NEK9: variants seen among roughly 807,000 people sequenced by gnomAD.
NEK9 encodes serine/threonine-protein kinase Nek9.
Under a neutral mutation model 123.4 loss-of-function variants are expected in NEK9, and 75 were observed. That is an observed-to-expected ratio of 0.61 (90% CI 0.50 to 0.74). The LOEUF is 0.74. Ranked by LOEUF, NEK9 falls within the 30% of genes least tolerant of loss-of-function variation. The pLI is 0.00. For synonymous variants in NEK9, 438 were observed against 458.7 expected (o/e 0.95, Z 0.58); for missense variants, 952 against 1,214.4 (o/e 0.78, Z 3.21).
chr14:75,110,312 G>T lies in NEK9; in HGVS notation c.989+9C>A. 6.2e-7 allele frequency: 1 copy of T among 1,607,380 alleles called. No homozygotes were observed. Among genetic ancestry groups the T allele is most frequent in the South Asian group, 1.1e-5 (1 of 90,644 alleles). ...ATATATTAGTTTTTAAGAGTCTCTT[G>T]AACATTACCTTGGTCTCTTTGTAGG... is the stretch of plus-strand genomic sequence containing the variant. On this transcript the variant is annotated intron_variant, in intron 9 of 21. Coordinates refer to ENST00000238616, the MANE Select transcript of NEK9 (RefSeq NM_033116.6).
chr14:75,102,007 CTT>C (rs1273751427), intron 14 of NEK9, among the ~76,000 whole-genome samples: 1 of 152,314 alleles, frequency 6.6e-6, no homozygotes, highest in Non-Finnish European at 1.5e-5. Flanking sequence ...TAGATTCTGA[CTT>C]AGGGTTTATA....
In NEK9 at chr14:75,121,457, CAAGTG is replaced by C. The variant is rs771929352; in HGVS notation, c.398-288_398-284del. ...TAAAGACCATTCTTGTTGTTCCCAA[CAAGTG>C]AAGTATATTCAAAATCAGATTTCTT... is the stretch of plus-strand genomic sequence containing the variant. On this transcript the variant is annotated intron_variant, in intron 2 of 21. Transcript: ENST00000238616. Among the ~76,000 whole-genome samples the C allele has an allele frequency of 2.1e-4, 32 of 152,214 alleles. 1 individual carries two copies. Among genetic ancestry groups the C allele is most frequent in the Admixed American group, 1.7e-3 (26 of 15,288 alleles).
Position 75,080,565 on chromosome 14 carries a change from A to G in NEK9, c.*3999T>C, listed in dbSNP as rs929061369. ...AAAGTTCATAAGGTTACACCATAGG[A>G]GAAATTTCACGGGGAAACTCCTCAT... On this transcript the variant is annotated 3_prime_UTR_variant, in exon 22 of 22. Transcript: ENST00000238616. The G allele has an allele frequency of 2.0e-5, 3 of 152,156 alleles. No individual in the cohort carries two copies. Among genetic ancestry groups the G allele is most frequent in the Non-Finnish European group, 4.4e-5 (3 of 68,022 alleles). The allele number at this position is 152,156 out of a possible 1,614,324, so 9.4% of individuals were successfully genotyped here. A position where few individuals can be genotyped will look rare whatever the true frequency, so the allele number is the denominator to read the frequency against.
At chr14:75,125,014 A>T (rs1244245265) in intron 1 of NEK9, among the ~76,000 whole-genome samples, 10 of 149,016 alleles carry the variant, frequency 6.7e-5, no homozygotes, top group African/African-American at 2.5e-4. Flanking sequence ...GCCTCAAGCG[A>T]CCCGACCACC....
intron 5 of NEK9, 101 bp downstream of exon 5, chr14:75,118,729 C>T: frequency 1.4e-6 from 1 of 727,272 alleles, no homozygotes; most frequent in Non-Finnish European, 2.3e-6. Context: ...GTATGGAGAA[C>T]TTGCAAGAAT....
In NEK9 at chr14:75,101,812, G is replaced by A. The variant is rs201046947; in HGVS notation, c.1732-47C>T. 183 of 1,390,994 alleles carry A rather than the reference G, an allele frequency of 1.3e-4. 1 individual carries two copies. The South Asian group carries it at 1.8e-3, about 13-fold the overall frequency. 86.2% of individuals were successfully genotyped at this position (1,390,994 alleles called of 1,614,324 possible). A position where few individuals can be genotyped will look rare whatever the true frequency, so the allele number is the denominator to read the frequency against. On this transcript the variant is annotated intron_variant, in intron 14 of 21. Transcript: ENST00000238616. ...AGCAGATGCATGAGGTAAGAAAATC[G>A]AAGGAAAATCAGGCTGAGAATGGAA...
chr14:75,119,652 G>A (rs769985798), intron 4 of NEK9, among the ~76,000 whole-genome samples: 3 of 152,190 alleles, frequency 2.0e-5, no homozygotes, highest in Non-Finnish European at 4.4e-5. Context: ...CTTGGTTGGT[G>A]TCAAAGTTTC....
At chr14:75,109,986 G>T (rs1894907956) in intron 9 of NEK9, 109 bp from the exon 10 acceptor site, 1 of 1,116,266 alleles carries the variant, frequency 9.0e-7, no homozygotes, top group Non-Finnish European at 1.3e-6. Context: ...GTATGAGAAA[G>T]TATGTTCTTT....
At chr14:75,102,650 C>T (rs1237777879) in intron 14 of NEK9, among the ~76,000 whole-genome samples, 3 of 152,188 alleles carry the variant, frequency 2.0e-5, no homozygotes, top group Admixed American at 6.5e-5. Flanking sequence ...CCGTGCCCGG[C>T]AACTGAATAT....
At chr14:75,110,093 C>T (rs558240229) in intron 9 of NEK9, among the ~76,000 whole-genome samples, 1 of 152,336 alleles carries the variant, frequency 6.6e-6, no homozygotes, top group South Asian at 2.1e-4. Context: ...TCCAGTCTGA[C>T]CCATAACACC....
Position 75,127,010 on chromosome 14 carries a change from C to G in NEK9, c.-89G>C. 8.8e-7 allele frequency: 1 copy of G among 1,132,678 alleles called. No homozygotes were observed. The highest frequency in any genetic ancestry group is 1.8e-5 in the South Asian group (1 of 56,368). The allele number at this position is 1,132,678 out of a possible 1,614,324, so 70.2% of individuals were successfully genotyped here. The stretch of plus-strand genomic sequence containing the variant: ...CCCGCTCGCTTCAGATGCCGGCCCG[C>G]GGATCCGTCAGCCCAGCAACCCCGC... On this transcript the variant is annotated 5_prime_UTR_variant, in exon 1 of 22. Transcript: ENST00000238616.
chr14:75,125,895 A>G (rs1351961121), intron 1 of NEK9, among the ~76,000 whole-genome samples: 2 of 152,210 alleles, frequency 1.3e-5, no homozygotes, highest in Non-Finnish European at 2.9e-5. Context: ...AATCTAGTGT[A>G]TCGTTAGTTT....
intron 4 of NEK9, 117 bp from the exon 5 acceptor site, chr14:75,119,052 A>T: frequency 3.1e-6 from 2 of 650,912 alleles, no homozygotes; most frequent in South Asian, 3.6e-5. Context: ...ACAGTGGCTC[A>T]CATCTGTAAT....
At chr14:75,103,715 A>C in intron 14 of NEK9, 127 bp downstream of exon 14, 2 of 1,014,260 alleles carry the variant, frequency 2.0e-6, no homozygotes, top group Non-Finnish European at 2.8e-6. Flanking sequence ...CTTTTTCTGC[A>C]CACAATGCCT....
At position 75,084,694 on chromosome 14, in the gene NEK9, G is replaced by A; in HGVS notation, c.2818-8C>T. 8 of 1,613,908 alleles carry A rather than the reference G, an allele frequency of 5.0e-6. No homozygotes were observed. The highest frequency in any genetic ancestry group is 6.8e-6 in the Non-Finnish European group (8 of 1,179,936). ...TTTGGAATGCATCCCCACCTGTCCGGATAAAACACGGTTCCACATTAGCAA... is the reference window on the plus strand; with the variant it reads ...TTTGGAATGCATCCCCACCTGTCCGAATAAAACACGGTTCCACATTAGCAA... On this transcript the variant is annotated splice_polypyrimidine_tract_variant and splice_region_variant and intron_variant, in intron 21 of 21. Coordinates refer to ENST00000238616, the MANE Select transcript of NEK9 (RefSeq NM_033116.6).
chr14:75,115,558 T>C (rs1448103691), intron 6 of NEK9, among the ~76,000 whole-genome samples: 1 of 152,244 alleles, frequency 6.6e-6, no homozygotes, highest in African/African-American at 2.4e-5. Flanking sequence ...GCATTTTTCA[T>C]ATACATTATG....
intron 13 of NEK9, among the ~76,000 whole-genome samples, chr14:75,105,134 G>C (rs1024754024): frequency 6.6e-6 from 1 of 152,052 alleles, no homozygotes; most frequent in Admixed American, 6.6e-5. Flanking sequence ...TGCATGTGTG[G>C]GGTCACAATG....
rs1420074227 is a variant in NEK9, at chr14:75,122,632, G to A, written c.397+1414C>T. On this transcript the variant is annotated intron_variant, in intron 2 of 21. Transcript: ENST00000238616. ...CGATTCTCCTGCCTCAGCCTCCCGA[G>A]TAGCTGGGATTACAGGCACGCGCCA... 2.0e-5 allele frequency among the ~76,000 whole-genome samples: 3 copies of A among 151,944 alleles called. No individual in the cohort carries two copies. In the East Asian group the frequency reaches 5.8e-4, roughly 29 times the overall value.
In NEK9 at chr14:75,086,998, T is replaced by G. The variant is rs760300781; in HGVS notation, c.2817+20A>C. 22 of 1,606,286 alleles carry G rather than the reference T, an allele frequency of 1.4e-5. No individual in the cohort carries two copies. The South Asian group carries it at 2.1e-4, about 15-fold the overall frequency. On this transcript the variant is annotated intron_variant, in intron 21 of 21. Coordinates refer to ENST00000238616, the MANE Select transcript of NEK9 (RefSeq NM_033116.6). ...TTCAAAACAGGCTTAGAAATTGGAT[T>G]ATTCTTTTAATGCTCTCACCTGCTG... is the stretch of plus-strand genomic sequence containing the variant.
Sources: gnomAD v4.1 joint callset for allele counts (sites outside exome capture counted in the v4.1 genomes callset) on GRCh38, gnomAD v4.1.1 for gene constraint, MANE v1.5 for transcripts, NCBI Gene and HGNC (gene_info 2026-07-23, HGNC 2026-07-21) for gene names.